FBN1: variants seen among roughly 807,000 people sequenced by gnomAD.
The protein encoded by FBN1 is fibrillin-1.
Under a neutral mutation model 365.1 loss-of-function variants are expected in FBN1, and 29 were observed. The observed-to-expected ratio is 0.08, with a 90% CI of 0.06 to 0.11. The LOEUF (loss-of-function observed/expected upper bound fraction) is 0.11, where lower values mean the gene tolerates loss of function less well. Among genes scored for constraint, FBN1 ranks in the 10% least tolerant of loss-of-function variants. FBN1 has a pLI of 1.00. For missense variants in FBN1, 2,476 were observed against 3,703.2 expected, an observed-to-expected ratio of 0.67 and a Z score of 8.60; for synonymous variants, 1,210 against 1,270.5, an observed-to-expected ratio of 0.95 and a Z score of 1.01.
At chr15:48,451,175 C>A (rs2141254476) in intron 45 of FBN1, among the ~76,000 whole-genome samples, 1 of 152,274 alleles carries the variant, frequency 6.6e-6, no homozygotes, top group Non-Finnish European at 1.5e-5. Context: ...ATAGCTCTGT[C>A]CCACTTCTTA....
chr15:48,435,666 A>ATG (rs3074870), intron 53 of FBN1, among the ~76,000 whole-genome samples: 9,028 of 145,438 alleles, frequency 0.062, 488 homozygotes, highest in African/African-American at 0.15. Context: ...GAGACCTAAA[A>ATG]TGTGTGTGTG....
At chr15:48,467,011 T>A (rs369362324) in intron 38 of FBN1, among the ~76,000 whole-genome samples, 44 of 152,236 alleles carry the variant, frequency 2.9e-4, no homozygotes, top group African/African-American at 1.1e-3. Context: ...GCATGAGTGA[T>A]TTCATTTAAT....
At chr15:48,449,560 T>A (rs574378493) in intron 45 of FBN1, among the ~76,000 whole-genome samples, 139 of 152,328 alleles carry the variant, frequency 9.1e-4, no homozygotes, top group African/African-American at 3.2e-3. Flanking sequence ...ATTATATTTA[T>A]CATCAACTGA....
chr15:48,613,514 G>A lies in FBN1; in HGVS notation c.165-422C>T, dbSNP rs147676004. The stretch of plus-strand genomic sequence containing the variant: ...CATATATATATATATATTTTCCTAC[G>A]GCCCATCTCACCTCTATAATTTTAC... On this transcript the variant is annotated intron_variant, in intron 2 of 65. Transcript: ENST00000316623. Among the ~76,000 whole-genome samples the A allele has an allele frequency of 1.3e-3, 202 of 151,502 alleles. 1 individual carries two copies. The highest frequency in any genetic ancestry group is 2.1e-3 in the Admixed American group (32 of 15,206).
At chr15:48,523,006 G>A (rs917269986) in intron 9 of FBN1, among the ~76,000 whole-genome samples, 1 of 152,150 alleles carries the variant, frequency 6.6e-6, no homozygotes, top group African/African-American at 2.4e-5. Flanking sequence ...GCCTCAGGTG[G>A]TACCTCCCCC....
Position 48,469,925 on chromosome 15 carries a change from G to A in FBN1, c.4459+709C>T, listed in dbSNP as rs538865732. On this transcript the variant is annotated intron_variant, in intron 36 of 65. Transcript: ENST00000316623. ...TGGTCATGATCTGGAGAGCCCCTGA[G>A]TCATGGTTTGTTTAGGTGGTTGAAA... 1.5e-4 allele frequency among the ~76,000 whole-genome samples: 23 copies of A among 152,218 alleles called. 1 individual carries two copies. Among genetic ancestry groups the A allele is most frequent in the South Asian group, 1.0e-3 (5 of 4,820 alleles).
chr15:48,506,596 C>A (rs915021975), intron 15 of FBN1, among the ~76,000 whole-genome samples: 2 of 152,072 alleles, frequency 1.3e-5, no homozygotes, highest in African/African-American at 4.8e-5. Flanking sequence ...AGGGAGGTAA[C>A]CTTGGTCAAA....
At chr15:48,449,983 A>C (rs1331783023) in intron 45 of FBN1, among the ~76,000 whole-genome samples, 1 of 152,226 alleles carries the variant, frequency 6.6e-6, no homozygotes, top group African/African-American at 2.4e-5. Context: ...TAGATGAATC[A>C]TCATACCATT....
intron 8 of FBN1, among the ~76,000 whole-genome samples, chr15:48,531,449 G>A (rs1269086772): frequency 6.6e-6 from 1 of 152,026 alleles, no homozygotes; most frequent in Admixed American, 6.6e-5. Flanking sequence ...AAAATTCTAT[G>A]AAAAGTACTC....
intron 20 of FBN1, 42 bp from the exon 21 acceptor site, chr15:48,495,630 T>A: frequency 6.2e-7 from 1 of 1,613,584 alleles, no homozygotes; most frequent in Non-Finnish European, 8.5e-7. Flanking sequence ...AAATCTAGTC[T>A]TGGGCCTAAA....
chr15:48,439,104 GA>G (rs1237107742), intron 50 of FBN1, among the ~76,000 whole-genome samples: 1 of 152,104 alleles, frequency 6.6e-6, no homozygotes, highest in Non-Finnish European at 1.5e-5. Context: ...TCATGACAAA[GA>G]AGACAATGTA....
chr15:48,432,962 G>A lies in FBN1; in HGVS notation c.6643C>T (p.Leu2215=), dbSNP rs921997271. The A allele has an allele frequency of 1.2e-6, 2 of 1,613,632 alleles. No homozygotes were observed. The change falls in exon 55 of 66, where the codon CTG becomes TTG. Residue 2215 remains leucine, a synonymous_variant. Coordinates refer to ENST00000316623, the MANE Select transcript of FBN1 (RefSeq NM_000138.5). ...TTCACACATCGGAAGGCACAGAGCAGAGGATTCTGGGCACATTCATTTATA... is the reference window on the plus strand; with the variant it reads ...TTCACACATCGGAAGGCACAGAGCAAAGGATTCTGGGCACATTCATTTATA... The part of the protein sequence containing the change: ...EDINECAQNP[L]LCAFRCVNTY...
chr15:48,476,992 A>T (rs569324624), intron 32 of FBN1, among the ~76,000 whole-genome samples: 5 of 152,066 alleles, frequency 3.3e-5, no homozygotes, highest in Non-Finnish European at 7.4e-5. Flanking sequence ...TTACCAAAAT[A>T]TTGGTGAATA....
rs143179044 is a variant in FBN1 at position 48,468,248 on chromosome 15, G to T, written c.4583-146C>A. Reference sequence around the variant, plus strand: ...GTGCCCATGAACATTATACACTACCGAGAATTTTCCCTATGGAAAAGATAT... The same window carrying T: ...GTGCCCATGAACATTATACACTACCTAGAATTTTCCCTATGGAAAAGATAT... On this transcript the variant is annotated intron_variant, in intron 37 of 65. Transcript: ENST00000316623. The T allele has an allele frequency of 3.6e-4, 480 of 1,341,814 alleles. 3 individuals are homozygous for T. In the African/African-American group the frequency reaches 6.4e-3, roughly 18 times the overall value. 83.1% of individuals were successfully genotyped at this position (1,341,814 alleles called of 1,614,324 possible).
Position 48,441,810 on chromosome 15 carries a change from G to A in FBN1, c.6074C>T (p.Ala2025Val). The A allele has an allele frequency of 6.2e-7, 1 of 1,613,506 alleles. No individual in the cohort carries two copies. Among genetic ancestry groups the A allele is most frequent in the East Asian group, 2.2e-5 (1 of 44,876 alleles). ...TTCAGTGTTACTGCATGTGCCCAGG[G>A]CACAAATTTCTGGCTCTTCGACACA... Reference protein sequence around the residue: ...DECVEEPEICALGTCSNTEGS... With the variant: ...DECVEEPEICVLGTCSNTEGS... Residue 2025 changes from alanine to valine, a missense_variant, in exon 50 of 66, where the codon GCC becomes GTC. Ala to Val is a moderately conservative substitution (Grantham distance 64). This residue lies in a region of FBN1 where 1,780 missense variants were observed against 2,840.8 expected (regional missense o/e 0.63). Transcript: ENST00000316623.
intron 63 of FBN1, 34 bp downstream of exon 63, chr15:48,420,653 C>T (rs1199513518): frequency 5.0e-6 from 8 of 1,613,642 alleles, no homozygotes; most frequent in Non-Finnish European, 6.8e-6. Context: ...GACCTGATAG[C>T]CATGCATCTT....
intron 6 of FBN1, among the ~76,000 whole-genome samples, chr15:48,580,135 T>C (rs1445074710): frequency 6.6e-6 from 1 of 152,176 alleles, no homozygotes; most frequent in Non-Finnish European, 1.5e-5. Context: ...GTTTTTCCAA[T>C]TGCTTCTAAG....
chr15:48,447,966 T>C (rs1029406001), intron 46 of FBN1, among the ~76,000 whole-genome samples: 1 of 152,066 alleles, frequency 6.6e-6, no homozygotes, highest in Non-Finnish European at 1.5e-5. Context: ...ATGAGAGATG[T>C]AGAAAGAAAG....
intron 17 of FBN1, among the ~76,000 whole-genome samples, chr15:48,500,315 A>T (rs2141310809): frequency 6.6e-6 from 1 of 152,334 alleles, no homozygotes; most frequent in African/African-American, 2.4e-5. Flanking sequence ...AATGGAAGCA[A>T]ATTATTGTCA....
Sources: gnomAD v4.1 joint callset for allele counts (sites outside exome capture counted in the v4.1 genomes callset) on GRCh38, gnomAD v4.1.1 for gene constraint, gnomAD v4.1.1 regional missense constraint, MANE v1.5 for transcripts, NCBI Gene and HGNC (gene_info 2026-07-23, HGNC 2026-07-21) for gene names.